DYNC1I1: variants seen among roughly 807,000 people sequenced by gnomAD.
DYNC1I1 encodes dynein cytoplasmic 1 intermediate chain 1, also known as cytoplasmic dynein 1 intermediate chain 1.
Under a neutral mutation model 86.6 loss-of-function variants are expected in DYNC1I1, and 43 were observed. The observed-to-expected ratio is 0.50, with a 90% CI of 0.39 to 0.64. The LOEUF is 0.64. Ranked by LOEUF, DYNC1I1 falls within the 30% of genes least tolerant of loss-of-function variation. The pLI is 0.00. For missense variants in DYNC1I1, 604 were observed against 788.8 expected (o/e 0.77, Z 2.81); for synonymous variants, 262 against 283.7 (o/e 0.92, Z 0.77).
intron 6 of DYNC1I1, among the ~76,000 whole-genome samples, chr7:95,929,423 T>C (rs1791831949): frequency 6.6e-6 from 1 of 152,202 alleles, no homozygotes. Flanking sequence ...TCTCTCCTAC[T>C]TGAATATAAG....
chr7:96,028,458 C>A, intron 11 of DYNC1I1, 137 bp downstream of exon 11: 2 of 1,209,434 alleles, frequency 1.7e-6, no homozygotes, highest in South Asian at 2.0e-5. Flanking sequence ...TCCTGACCAG[C>A]TAAAAGTTGA....
At chr7:96,091,389 A>C (rs778815581) in intron 16 of DYNC1I1, among the ~76,000 whole-genome samples, 15 of 152,164 alleles carry the variant, frequency 9.9e-5, no homozygotes, top group Non-Finnish European at 1.9e-4. Flanking sequence ...CACTTTTTAA[A>C]ATTACTTCAT....
intron 9 of DYNC1I1, among the ~76,000 whole-genome samples, chr7:95,990,621 C>G (rs771232290): frequency 2.0e-5 from 3 of 152,146 alleles, no homozygotes; most frequent in African/African-American, 4.8e-5. Context: ...CACTCTGTAT[C>G]AACTTGGGCA....
intron 6 of DYNC1I1, among the ~76,000 whole-genome samples, chr7:95,874,142 T>A (rs1397233573): frequency 2.6e-5 from 4 of 152,192 alleles, no homozygotes; most frequent in African/African-American, 9.7e-5. Flanking sequence ...GAAAATTTGA[T>A]CCCCTAAATC....
At chr7:95,997,527 T>A (rs2115766528) in intron 10 of DYNC1I1, among the ~76,000 whole-genome samples, 1 of 151,964 alleles carries the variant, frequency 6.6e-6, no homozygotes, top group South Asian at 2.1e-4. Flanking sequence ...AACTGTAAAT[T>A]ACTTGTTTTA....
chr7:96,059,448 C>A (rs562746624), intron 14 of DYNC1I1, among the ~76,000 whole-genome samples: 16 of 152,116 alleles, frequency 1.1e-4, no homozygotes, highest in Non-Finnish European at 2.2e-4. Context: ...TCAGGGGACT[C>A]AAATTTTTTG....
chr7:95,984,430 T>C (rs2115682253), intron 7 of DYNC1I1, among the ~76,000 whole-genome samples: 1 of 152,248 alleles, frequency 6.6e-6, no homozygotes. Flanking sequence ...AGCTTGACAA[T>C]AGTACAATAG....
intron 7 of DYNC1I1, among the ~76,000 whole-genome samples, chr7:95,980,390 G>A (rs532497841): frequency 1.2e-3 from 175 of 151,480 alleles, no homozygotes; most frequent in African/African-American, 4.1e-3. Context: ...CCATTCACAC[G>A]ACTGCATAGT....
chr7:96,021,433 A>G (rs1369657583), intron 10 of DYNC1I1, among the ~76,000 whole-genome samples: 2 of 152,200 alleles, frequency 1.3e-5, no homozygotes, highest in East Asian at 1.9e-4. Context: ...CACGGGGTCC[A>G]GACACAGTTG....
chr7:95,876,972 C>T (rs915090237), intron 6 of DYNC1I1, among the ~76,000 whole-genome samples: 1 of 152,162 alleles, frequency 6.6e-6, no homozygotes, highest in Non-Finnish European at 1.5e-5. Flanking sequence ...AAACATTTAT[C>T]TAATAAAACT....
intron 6 of DYNC1I1, among the ~76,000 whole-genome samples, chr7:95,918,886 G>T (rs1791538501): frequency 2.0e-5 from 3 of 152,144 alleles, no homozygotes; most frequent in Non-Finnish European, 4.4e-5. Flanking sequence ...CAGAATTCAT[G>T]ACTTTTCCAT....
intron 12 of DYNC1I1, 95 bp from the exon 13 acceptor site, chr7:96,035,524 G>T (rs1419938307): frequency 8.2e-6 from 12 of 1,463,604 alleles, no homozygotes; most frequent in African/African-American, 1.5e-5. Context: ...TGTGTGAAAA[G>T]CAAACACATG....
chr7:95,841,435 G>GC (rs201099427), intron 5 of DYNC1I1, among the ~76,000 whole-genome samples: 16,281 of 152,154 alleles, frequency 0.11, 990 homozygotes, highest in African/African-American at 0.16. Flanking sequence ...GTGCATTTTG[G>GC]TAAAATAAGC....
chr7:95,813,244 T>C lies in DYNC1I1; in HGVS notation c.224-3T>C. ...TGGGATACCTGTTATTTTCATTATT[T>C]AGTCCCAACCCCTATGTCTCCCTCC... On this transcript the variant is annotated splice_polypyrimidine_tract_variant and splice_region_variant and intron_variant, in intron 3 of 16. Coordinates refer to ENST00000447467, the MANE Select transcript of DYNC1I1 (RefSeq NM_001135556.2). 1 of 1,613,350 alleles carries C rather than the reference T, an allele frequency of 6.2e-7. No homozygotes were observed. Among genetic ancestry groups the C allele is most frequent in the Non-Finnish European group, 8.5e-7 (1 of 1,179,580 alleles).
chr7:95,833,202 C>G (rs1361536654), intron 5 of DYNC1I1, among the ~76,000 whole-genome samples: 2 of 137,110 alleles, frequency 1.5e-5, no homozygotes, highest in Non-Finnish European at 3.1e-5. Context: ...AGCCAGTTTT[C>G]CCAGCACCAT....
chr7:95,832,431 G>A lies in DYNC1I1; in HGVS notation c.374+4315G>A, dbSNP rs1005521996. On this transcript the variant is annotated intron_variant, in intron 5 of 16. Transcript: ENST00000447467. The stretch of plus-strand genomic sequence containing the variant: ...GTGAATAGTGCCGCAATAAACATAC[G>A]TGTGCATGTGTCTTTATAGCAGCAT... Among the ~76,000 whole-genome samples the A allele has an allele frequency of 1.7e-4, 26 of 151,700 alleles. 1 individual carries two copies. Among genetic ancestry groups the A allele is most frequent in the Admixed American group, 1.3e-4 (2 of 15,214 alleles).
At chr7:95,894,807 A>G (rs1790835421) in intron 6 of DYNC1I1, among the ~76,000 whole-genome samples, 1 of 152,184 alleles carries the variant, frequency 6.6e-6, no homozygotes, top group East Asian at 1.9e-4. Flanking sequence ...CCATGTAAAA[A>G]GTTGTCGAGA....
At chr7:95,960,961 G>C (rs1440790760) in intron 6 of DYNC1I1, among the ~76,000 whole-genome samples, 2 of 152,358 alleles carry the variant, frequency 1.3e-5, no homozygotes, top group African/African-American at 4.8e-5. Context: ...CTCTAGAAGT[G>C]AGGATTTGAT....
chr7:95,898,723 T>C (rs1790955837), intron 6 of DYNC1I1, among the ~76,000 whole-genome samples: 1 of 152,230 alleles, frequency 6.6e-6, no homozygotes, highest in South Asian at 2.1e-4. Flanking sequence ...ATTTATTTAC[T>C]TTTTGATTGT....
Sources: gnomAD v4.1 joint callset for allele counts (sites outside exome capture counted in the v4.1 genomes callset) on GRCh38, gnomAD v4.1.1 for gene constraint, MANE v1.5 for transcripts, NCBI Gene and HGNC (gene_info 2026-07-23, HGNC 2026-07-21) for gene names.